The following MAML1 variants were observed in gnomAD, a reference collection of about 807,000 sequenced individuals.
The protein encoded by MAML1 is mastermind like transcriptional coactivator 1.
A neutral mutation model predicts 77.1 loss-of-function variants in MAML1; 14 were observed. The observed-to-expected ratio is 0.18, with a 90% CI of 0.12 to 0.28. The LOEUF is 0.28. Ranked by LOEUF, MAML1 falls within the 10% of genes least tolerant of loss-of-function variation. The probability of loss-of-function intolerance (pLI) is 1.00; values close to 1 mark genes in which losing one functional copy is unlikely to be tolerated. For synonymous variants in MAML1, 516 were observed against 551.9 expected (o/e 0.93, Z 0.91); for missense variants, 1,217 against 1,327.8 (o/e 0.92, Z 1.30).
At chr5:179,748,962 T>TG (rs1483098470) in intron 1 of MAML1, among the ~76,000 whole-genome samples, 5 of 147,286 alleles carry the variant, frequency 3.4e-5, no homozygotes, top group African/African-American at 1.3e-4. Context: ...TTTTTTTTTT[T>TG]TTGTTTTTTG....
At chr5:179,753,192 T>C (rs989100361) in intron 1 of MAML1, among the ~76,000 whole-genome samples, 1 of 71,244 alleles carries the variant, frequency 1.4e-5, no homozygotes, top group Non-Finnish European at 3.6e-5. Context: ...TTAGTGTGTG[T>C]GTGTGTGTGT....
chr5:179,756,335 G>A (rs1779615648), intron 1 of MAML1, among the ~76,000 whole-genome samples: 1 of 151,460 alleles, frequency 6.6e-6, no homozygotes, highest in Admixed American at 6.6e-5. Flanking sequence ...TGAGGCGGGG[G>A]AGTGGCGTCA....
intron 4 of MAML1, among the ~76,000 whole-genome samples, chr5:179,772,196 A>G (rs1192944287): frequency 2.6e-5 from 4 of 152,052 alleles, no homozygotes; most frequent in Non-Finnish European, 4.4e-5. Flanking sequence ...TTGGCTCACT[A>G]CAACCTCCAC....
At chr5:179,751,479 C>T (rs1354023076) in intron 1 of MAML1, among the ~76,000 whole-genome samples, 2 of 152,050 alleles carry the variant, frequency 1.3e-5, no homozygotes, top group African/African-American at 2.4e-5. Flanking sequence ...GAGGCCAAGG[C>T]GGGCGGATCA....
intron 1 of MAML1, among the ~76,000 whole-genome samples, chr5:179,746,102 G>A (rs138947544): frequency 0.013 from 2,017 of 151,590 alleles, 36 homozygotes; most frequent in African/African-American, 0.043. Flanking sequence ...CCAGCACTCT[G>A]GGAGGCCGAG....
At chr5:179,745,460 A>G (rs2113343485) in intron 1 of MAML1, among the ~76,000 whole-genome samples, 1 of 152,068 alleles carries the variant, frequency 6.6e-6, no homozygotes, top group Admixed American at 6.5e-5. Context: ...TCACGCCTGT[A>G]ATCCCAGCAC....
At chr5:179,737,993 G>A (rs751112653) in intron 1 of MAML1, among the ~76,000 whole-genome samples, 3 of 152,120 alleles carry the variant, frequency 2.0e-5, no homozygotes, top group Non-Finnish European at 4.4e-5. Context: ...AGATGGGTGT[G>A]AGCCACCTTG....
At chr5:179,772,138 A>G (rs1346854678) in intron 4 of MAML1, among the ~76,000 whole-genome samples, 1 of 152,162 alleles carries the variant, frequency 6.6e-6, no homozygotes, top group African/African-American at 2.4e-5. Context: ...TGTTGTTTTG[A>G]AACAGAGTCT....
At chr5:179,759,434 A>T (rs1033393538) in intron 1 of MAML1, among the ~76,000 whole-genome samples, 37 of 152,376 alleles carry the variant, frequency 2.4e-4, no homozygotes, top group African/African-American at 8.4e-4. Context: ...AACTGGGAAT[A>T]CATCATAAGT....
Position 179,742,438 on chromosome 5 carries a change from G to A in MAML1, c.315+9011G>A, listed in dbSNP as rs564458840. ...TGGGCACCGGAGGTTGCAGTGAGCC[G>A]AGATCGTGACACTGCACTCCAGCCC... On this transcript the variant is annotated intron_variant, in intron 1 of 4. Coordinates refer to ENST00000292599, the MANE Select transcript of MAML1 (RefSeq NM_014757.5). Among the ~76,000 whole-genome samples the A allele has an allele frequency of 1.7e-3, 255 of 152,038 alleles. 3 individuals are homozygous for A. The highest frequency in any genetic ancestry group is 5.9e-3 in the African/African-American group (246 of 41,528).
At position 179,766,751 on chromosome 5, in the gene MAML1, A is replaced by C. The variant is rs774405291; in HGVS notation, c.1731+10A>C. On this transcript the variant is annotated intron_variant, in intron 2 of 4. Transcript: ENST00000292599. This position sits in a 1 kb window ranked among gnomAD's most constrained non-coding sequence, Gnocchi z 4.0. ...GGTTCCACCTGGCCAGGTAAGTATGAGCCTTTGCTTTCTGTTCCTCTGCTG... is the reference window on the plus strand; with the variant it reads ...GGTTCCACCTGGCCAGGTAAGTATGCGCCTTTGCTTTCTGTTCCTCTGCTG... 6.6e-7 allele frequency: 1 copy of C among 1,518,934 alleles called. No homozygotes were observed. The highest frequency in any genetic ancestry group is 2.2e-5 in the Admixed American group (1 of 44,954). The allele number at this position is 1,518,934 out of a possible 1,614,324, so 94.1% of individuals were successfully genotyped here. A position where few individuals can be genotyped will look rare whatever the true frequency, so the allele number is the denominator to read the frequency against.
At position 179,769,166 on chromosome 5, in the gene MAML1, C is replaced by T; in HGVS notation, c.1971+77C>T. 1 of 1,576,418 alleles carries T rather than the reference C, an allele frequency of 6.3e-7. No homozygotes were observed. The highest frequency in any genetic ancestry group is 1.2e-5 in the South Asian group (1 of 85,170). ...TGCGTCACTGCTACAGTCACACCTT[C>T]TGCTTGTGCGTGTGGATTTGCGCAG... On this transcript the variant is annotated intron_variant, in intron 3 of 4. Coordinates refer to ENST00000292599, the MANE Select transcript of MAML1 (RefSeq NM_014757.5). The surrounding 1 kb of genome is among the most constrained non-coding windows in gnomAD (Gnocchi z 4.2).
intron 1 of MAML1, among the ~76,000 whole-genome samples, chr5:179,748,373 C>T (rs2113348016): frequency 6.7e-6 from 1 of 150,310 alleles, no homozygotes; most frequent in South Asian, 2.1e-4. Context: ...TGAGCCACTG[C>T]ACCCAGCCGA....
chr5:179,738,783 CTT>C (rs11299146), intron 1 of MAML1, among the ~76,000 whole-genome samples: 78 of 146,238 alleles, frequency 5.3e-4, no homozygotes, highest in Non-Finnish European at 5.1e-4. Flanking sequence ...TTATTGGCAT[CTT>C]TTTTTTTTTT....
At position 179,766,412 on chromosome 5, in the gene MAML1, C is replaced by T. The variant is rs763800343; in HGVS notation, c.1402C>T (p.Pro468Ser). 15 of 1,612,758 alleles carry T rather than the reference C, an allele frequency of 9.3e-6. No homozygotes were observed. The highest frequency in any genetic ancestry group is 1.7e-5 in the Admixed American group (1 of 59,752). ...CACTAACTCCAAACTGCTCATGATGCCTAGTGTGAATAAGAGTTCCCCTCG... is the reference window on the plus strand; with the variant it reads ...CACTAACTCCAAACTGCTCATGATGTCTAGTGTGAATAAGAGTTCCCCTCG... The part of the protein sequence containing the change: ...DFTNSKLLMM[P>S]SVNKSSPRPG... The change falls in exon 2 of 5, where the codon CCT becomes TCT. Residue 468 changes from proline (P) to serine (S), a missense_variant. By Grantham distance (74) the Pro-to-Ser change is moderately conservative. Transcript: ENST00000292599. The surrounding 1 kb of genome is among the most constrained non-coding windows in gnomAD (Gnocchi z 4.0).
intron 1 of MAML1, among the ~76,000 whole-genome samples, chr5:179,747,708 G>A (rs1437792643): frequency 6.7e-6 from 1 of 149,178 alleles, no homozygotes; most frequent in Non-Finnish European, 1.5e-5. Context: ...TACTTGGGAG[G>A]CTGAGGCAGG....
Position 179,733,240 on chromosome 5 carries a change from C to T in MAML1, c.128C>T (p.Ala43Val). The T allele has an allele frequency of 6.8e-7, 1 of 1,474,968 alleles. No individual in the cohort carries two copies. The highest frequency in any genetic ancestry group is 9.0e-7 in the Non-Finnish European group (1 of 1,115,996). 91.4% of individuals were successfully genotyped at this position (1,474,968 alleles called of 1,614,324 possible). A position where few individuals can be genotyped will look rare whatever the true frequency, so the allele number is the denominator to read the frequency against. ...AGCACCTGCGAGGCCCGCTACGAGGCCGTGTCGCCCGAGCGCCTGGAGCTG... is the reference window on the plus strand; with the variant it reads ...AGCACCTGCGAGGCCCGCTACGAGGTCGTGTCGCCCGAGCGCCTGGAGCTG... ...HHSTCEARYEAVSPERLELER... is the reference protein window; with the variant it reads ...HHSTCEARYEVVSPERLELER... The change falls in exon 1 of 5, where the codon GCC becomes GTC. Residue 43 changes from alanine to valine, a missense_variant. By Grantham distance (64) the Ala-to-Val change is moderately conservative. Around this residue, in one of 3 missense-constraint regions of MAML1, gnomAD observed 312 missense variants for 331.4 expected, o/e 0.94. Transcript: ENST00000292599.
At chr5:179,736,535 G>A (rs1359504774) in intron 1 of MAML1, among the ~76,000 whole-genome samples, 4 of 152,176 alleles carry the variant, frequency 2.6e-5, no homozygotes, top group Non-Finnish European at 4.4e-5. Flanking sequence ...ACAGGCATGA[G>A]CCGCCACGCT....
At chr5:179,751,639 C>T (rs900926828) in intron 1 of MAML1, among the ~76,000 whole-genome samples, 8 of 151,740 alleles carry the variant, frequency 5.3e-5, no homozygotes, top group African/African-American at 1.9e-4. Context: ...CGGGAGGCAG[C>T]GGGTGCAGTG....
Sources: allele counts gnomAD v4.1 joint callset (sites outside exome capture counted in the v4.1 genomes callset), GRCh38; gene constraint gnomAD v4.1.1; regional missense constraint gnomAD v4.1.1; non-coding constraint Gnocchi (gnomAD v3.1); transcripts MANE v1.5; gene names NCBI Gene and HGNC (gene_info 2026-07-23, HGNC 2026-07-21).